RHOD: variants seen among roughly 807,000 people sequenced by gnomAD.
RHOD encodes rho-related GTP-binding protein RhoD.
Under a neutral mutation model 16.7 loss-of-function variants are expected in RHOD, and 11 were observed. The ratio of observed to expected loss-of-function variants is 0.66; its 90% CI spans 0.41 to 1.09. The LOEUF is 1.09. RHOD is among the 50% of genes least tolerant of loss of function. The pLI is 0.00. For synonymous variants in RHOD, 124 were observed against 126.3 expected, an observed-to-expected ratio of 0.98 and a Z score of 0.12; for missense variants, 271 against 291.7, an observed-to-expected ratio of 0.93 and a Z score of 0.52.
At chr11:67,064,453 C>T (rs1158876763) in intron 1 of RHOD, among the ~76,000 whole-genome samples, 1 of 150,002 alleles carries the variant, frequency 6.7e-6, no homozygotes, top group East Asian at 2.0e-4. Context: ...GGTAGAGGGG[C>T]GCATTGGGGC....
chr11:67,066,960 T>C, intron 3 of RHOD, 113 bp downstream of exon 3: 1 of 762,706 alleles, frequency 1.3e-6, no homozygotes, highest in East Asian at 2.5e-5. Flanking sequence ...ATGATATTGA[T>C]TCCAGAGCTT....
At chr11:67,059,777 C>T (rs921661596) in intron 1 of RHOD, among the ~76,000 whole-genome samples, 1 of 152,168 alleles carries the variant, frequency 6.6e-6, no homozygotes, top group Non-Finnish European at 1.5e-5. Flanking sequence ...CCTGCTGGAC[C>T]CAGCCTCCTC....
Position 67,071,659 on chromosome 11 carries a change from G to C in RHOD, c.*57G>C. On this transcript the variant is annotated 3_prime_UTR_variant, in exon 5 of 5. Coordinates refer to ENST00000308831, the MANE Select transcript of RHOD (RefSeq NM_014578.4). ...GGGCAGGGCGCTGACCTGCTGCTGA[G>C]CTGGCTGGGCTGGACCCGGTCCCTA... 6.8e-7 allele frequency: 1 copy of C among 1,473,416 alleles called. No homozygotes were observed. The allele number at this position is 1,473,416 out of a possible 1,614,324, so 91.3% of individuals were successfully genotyped here. A position where few individuals can be genotyped will look rare whatever the true frequency, so the allele number is the denominator to read the frequency against.
intron 1 of RHOD, among the ~76,000 whole-genome samples, chr11:67,059,557 A>AATATAT (rs570236616): frequency 6.8e-5 from 10 of 147,734 alleles, no homozygotes; most frequent in African/African-American, 2.2e-4. Flanking sequence ...AATATATATA[A>AATATAT]ATATATATAT....
intron 3 of RHOD, among the ~76,000 whole-genome samples, chr11:67,067,110 G>A (rs1029311897): frequency 6.6e-6 from 1 of 152,168 alleles, no homozygotes; most frequent in Non-Finnish European, 1.5e-5. Flanking sequence ...TGCAGACTCC[G>A]AACACTGTGG....
Position 67,066,856 on chromosome 11 carries a change from TGGGGGGCA to T in RHOD, c.330+13_330+20del. ...ACAACATCTTTAACCGGGTAGGTAC[TGGGGGGCA>T]GGGAGGCATAGCCCCCATAGCCAGG... On this transcript the variant is annotated intron_variant, in intron 3 of 4. Transcript: ENST00000308831. The T allele has an allele frequency of 6.3e-7, 1 of 1,589,164 alleles. No individual in the cohort carries two copies. Among genetic ancestry groups the T allele is most frequent in the Non-Finnish European group, 8.6e-7 (1 of 1,157,462 alleles).
chr11:67,065,178 C>G (rs1175987069), intron 1 of RHOD, among the ~76,000 whole-genome samples: 1 of 151,992 alleles, frequency 6.6e-6, no homozygotes, highest in East Asian at 1.9e-4. Flanking sequence ...CGGGTTCAAG[C>G]TATTCCCCTG....
Position 67,070,454 on chromosome 11 carries a change from G to C in RHOD, c.360G>C (p.Lys120Asn). ...ACCCAGAAGTGAATCATTTCTGCAA[G>C]AAGGTACCCATCATCGTCGTGGGCT... ...RWYPEVNHFC[K>N]KVPIIVVGCK... is the part of the protein sequence containing the mutation. Residue 120 changes from lysine to asparagine, a missense_variant, in exon 4 of 5, where the codon AAG becomes AAC. Lys to Asn is a moderately conservative substitution (Grantham distance 94). Transcript: ENST00000308831. 1 of 1,613,972 alleles carries C rather than the reference G, an allele frequency of 6.2e-7. No individual in the cohort carries two copies. The highest frequency in any genetic ancestry group is 8.5e-7 in the Non-Finnish European group (1 of 1,179,996).
chr11:67,070,969 C>T (rs1434225498), intron 4 of RHOD, among the ~76,000 whole-genome samples: 1 of 152,050 alleles, frequency 6.6e-6, no homozygotes, highest in Non-Finnish European at 1.5e-5. Flanking sequence ...CGCAGGGGCT[C>T]ACGCCTGTAA....
intron 2 of RHOD, 133 bp downstream of exon 2, chr11:67,066,116 G>A (rs1426593296): frequency 2.7e-6 from 2 of 735,798 alleles, no homozygotes; most frequent in Non-Finnish European, 4.5e-6. Context: ...GGCCAGGAGT[G>A]GGCCCAGGAG....
At chr11:67,069,755 C>A (rs1332404394) in intron 3 of RHOD, among the ~76,000 whole-genome samples, 1 of 151,996 alleles carries the variant, frequency 6.6e-6, no homozygotes, top group Non-Finnish European at 1.5e-5. Context: ...TGCAGTGGCG[C>A]GATCTCAGCT....
chr11:67,064,124 A>G (rs1474131059), intron 1 of RHOD, among the ~76,000 whole-genome samples: 1 of 136,246 alleles, frequency 7.3e-6, no homozygotes, highest in Non-Finnish European at 1.5e-5. Context: ...AAAAAAAAAA[A>G]GGCCGGGCGC....
chr11:67,065,841 C>T (rs1804475212), intron 1 of RHOD, 55 bp from the exon 2 acceptor site: 1 of 1,216,064 alleles, frequency 8.2e-7, no homozygotes, highest in African/African-American at 1.5e-5. Context: ...CAGACCAAGT[C>T]CCCAGTGCCT....
Position 67,071,471 on chromosome 11 carries a change from T to C in RHOD, c.502T>C (p.Tyr168His). ...EMARSVGAVAYLECSARLHDN... is the reference protein window; with the variant it reads ...EMARSVGAVAHLECSARLHDN... ...GGCGAGGTCCGTGGGCGCGGTGGCC[T>C]ACCTCGAGTGCTCGGCTCGGCTCCA... Residue 168 changes from tyrosine to histidine, a missense_variant, in exon 5 of 5, where the codon TAC becomes CAC. Physicochemically the swap from Tyr to His is moderately conservative, Grantham distance 83. Transcript: ENST00000308831. 1 of 1,605,582 alleles carries C rather than the reference T, an allele frequency of 6.2e-7. No homozygotes were observed.
Position 67,070,225 on chromosome 11 carries a change from C to T in RHOD, c.331-200C>T, listed in dbSNP as rs530649973. Reference sequence around the variant, plus strand: ...GGGATTGGTTGTGAACTTGCTGCCACGGCCTCGGGGAATTAATGGGTCCAT... The same window carrying T: ...GGGATTGGTTGTGAACTTGCTGCCATGGCCTCGGGGAATTAATGGGTCCAT... On this transcript the variant is annotated intron_variant, in intron 3 of 4. Transcript: ENST00000308831. 404 of 673,194 alleles carry T rather than the reference C, an allele frequency of 6.0e-4. 1 individual carries two copies. Among genetic ancestry groups the T allele is most frequent in the Middle Eastern group, 2.7e-3 (10 of 3,642 alleles). 41.7% of individuals were successfully genotyped at this position (673,194 alleles called of 1,614,324 possible). A position where few individuals can be genotyped will look rare whatever the true frequency, so the allele number is the denominator to read the frequency against.
intron 4 of RHOD, 30 bp downstream of exon 4, chr11:67,070,589 G>T: frequency 6.2e-7 from 1 of 1,612,898 alleles, no homozygotes; most frequent in Non-Finnish European, 8.5e-7. Flanking sequence ...GTGGGAGTTG[G>T]GGAGGACTGA....
At position 67,068,957 on chromosome 11, in the gene RHOD, T is replaced by TTTTG. The variant is rs565103914; in HGVS notation, c.331-1444_331-1441dup. 5.0e-3 allele frequency among the ~76,000 whole-genome samples: 752 copies of TTTTG among 151,670 alleles called. 3 individuals carry two copies. The highest frequency in any genetic ancestry group is 0.011 in the African/African-American group (459 of 41,334). ...AGGAATGAGGTAGTTTGATGCCAAT[T>TTTTG]TTTGTTTGTTTGTTTGTTTGTTTGT... On this transcript the variant is annotated intron_variant, in intron 3 of 4. Coordinates refer to ENST00000308831, the MANE Select transcript of RHOD (RefSeq NM_014578.4).
At chr11:67,069,508 G>A (rs1318134765) in intron 3 of RHOD, among the ~76,000 whole-genome samples, 3 of 151,132 alleles carry the variant, frequency 2.0e-5, no homozygotes, top group South Asian at 2.1e-4. Flanking sequence ...ACAGGTGCAC[G>A]CCACCACGCC....
intron 1 of RHOD, among the ~76,000 whole-genome samples, chr11:67,061,755 A>T (rs10896150): frequency 0.38 from 47,824 of 127,228 alleles, 9,773 homozygotes; most frequent in Middle Eastern, 0.52. Context: ...AAAAAAAAAA[A>T]ATATATATAT....
Sources: allele counts gnomAD v4.1 joint callset (sites outside exome capture counted in the v4.1 genomes callset), GRCh38; gene constraint gnomAD v4.1.1; transcripts MANE v1.5; gene names NCBI Gene and HGNC (gene_info 2026-07-23, HGNC 2026-07-21).